Variants in LSM6 observed in about 807,000 individuals in gnomAD.
LSM6 encodes the protein LSM6 homolog, U6 small nuclear RNA and mRNA degradation associated.
In LSM6, 2 loss-of-function variants were observed where a neutral mutation model predicts 13.5. The ratio of observed to expected loss-of-function variants is 0.15; its 90% CI spans 0.06 to 0.47. The LOEUF (loss-of-function observed/expected upper bound fraction) is 0.47, where lower values mean the gene tolerates loss of function less well. Ranked by LOEUF, LSM6 falls within the 20% of genes least tolerant of loss-of-function variation. LSM6 has a pLI of 0.97. For synonymous variants in LSM6, 43 were observed against 34.9 expected, an observed-to-expected ratio of 1.23 and a Z score of -0.82; for missense variants, 58 against 96.4, an observed-to-expected ratio of 0.60 and a Z score of 1.67.
intron 1 of LSM6, among the ~76,000 whole-genome samples, chr4:146,180,401 C>T (rs963397355): frequency 2.6e-5 from 4 of 152,126 alleles, no homozygotes; most frequent in Admixed American, 6.6e-5. Flanking sequence ...AATTGGAATA[C>T]AGATAAAGCA....
At chr4:146,180,521 G>A (rs904618009) in intron 1 of LSM6, among the ~76,000 whole-genome samples, 1 of 152,184 alleles carries the variant, frequency 6.6e-6, no homozygotes, top group African/African-American at 2.4e-5. Context: ...ATACTGTCAA[G>A]CAACTGATAG....
intron 1 of LSM6, among the ~76,000 whole-genome samples, chr4:146,179,739 CA>C (rs2110879936): frequency 6.6e-6 from 1 of 152,256 alleles, no homozygotes; most frequent in African/African-American, 2.4e-5. Flanking sequence ...TATGTGATGC[CA>C]AAAGTAGGTG....
intron 1 of LSM6, among the ~76,000 whole-genome samples, chr4:146,182,478 T>C (rs924859074): frequency 1.3e-5 from 2 of 152,240 alleles, no homozygotes; most frequent in South Asian, 2.1e-4. Flanking sequence ...CTTCTTCCCA[T>C]GGTTCTTGTA....
chr4:146,186,870 G>C (rs1380515544), intron 2 of LSM6, among the ~76,000 whole-genome samples: 1 of 152,178 alleles, frequency 6.6e-6, no homozygotes. Flanking sequence ...TTCACTTAGT[G>C]GCTAAAGTAG....
intron 1 of LSM6, among the ~76,000 whole-genome samples, chr4:146,179,995 C>G (rs965631292): frequency 6.6e-6 from 1 of 152,262 alleles, no homozygotes; most frequent in Non-Finnish European, 1.5e-5. Context: ...GAATGTGGCA[C>G]AGCTCCCTGC....
At chr4:146,181,393 C>T (rs1056444918) in intron 1 of LSM6, 1 of 152,096 alleles carries the variant, frequency 6.6e-6, no homozygotes, top group Non-Finnish European at 1.5e-5. Flanking sequence ...TAAGGCAGAG[C>T]CTTTGTGTAT....
intron 3 of LSM6, among the ~76,000 whole-genome samples, chr4:146,188,380 G>A (rs952274789): frequency 2.0e-5 from 3 of 151,604 alleles, no homozygotes; most frequent in East Asian, 1.9e-4. Context: ...ATCCTTTAAC[G>A]TGCACACTAC....
chr4:146,181,558 A>G (rs941551184), intron 1 of LSM6, among the ~76,000 whole-genome samples: 3 of 152,242 alleles, frequency 2.0e-5, no homozygotes, highest in Non-Finnish European at 4.4e-5. Context: ...AACTCAGATT[A>G]TTGAGTGGAT....
chr4:146,186,118 T>C (rs1730343739), intron 2 of LSM6, among the ~76,000 whole-genome samples: 2 of 152,374 alleles, frequency 1.3e-5, no homozygotes, highest in Admixed American at 1.3e-4. Context: ...TGCTCATTTA[T>C]AATTGCAGTT....
At chr4:146,178,224 C>T (rs183266944) in intron 1 of LSM6, among the ~76,000 whole-genome samples, 15 of 152,234 alleles carry the variant, frequency 9.9e-5, no homozygotes, top group Admixed American at 9.8e-4. Context: ...CCAGGGACAC[C>T]AAGTGAGTAA....
rs1384211082 is a variant in LSM6 at position 146,191,230 on chromosome 4, G to A, written c.*1574G>A. ...ATGGCTCTCCAAGTGGAGCATACATGTTCTCATTTGTTTTGTAGAATATGT... is the reference window on the plus strand; with the variant it reads ...ATGGCTCTCCAAGTGGAGCATACATATTCTCATTTGTTTTGTAGAATATGT... On this transcript the variant is annotated 3_prime_UTR_variant, in exon 4 of 4. Coordinates refer to ENST00000296581, the MANE Select transcript of LSM6 (RefSeq NM_007080.3). The A allele has an allele frequency of 1.3e-5, 2 of 152,156 alleles. No homozygotes were observed. Among genetic ancestry groups the A allele is most frequent in the Non-Finnish European group, 2.9e-5 (2 of 68,028 alleles). 9.4% of individuals were successfully genotyped at this position (152,156 alleles called of 1,614,324 possible).
chr4:146,188,621 TG>T (rs1338978349), intron 3 of LSM6, among the ~76,000 whole-genome samples: 1 of 152,150 alleles, frequency 6.6e-6, no homozygotes. Context: ...CGAGTAGGCA[TG>T]GAAGGTGGAA....
chr4:146,186,819 A>G (rs998533196), intron 2 of LSM6, among the ~76,000 whole-genome samples: 1 of 152,176 alleles, frequency 6.6e-6, no homozygotes, highest in Non-Finnish European at 1.5e-5. Flanking sequence ...CTGCTGCAAT[A>G]GATGTTGTAA....
chr4:146,190,725 T>C lies in LSM6; in HGVS notation c.*1069T>C, dbSNP rs1383313668. On this transcript the variant is annotated 3_prime_UTR_variant, in exon 4 of 4. Transcript: ENST00000296581. ...CCCTGCTTTATTCTCCAAACAGTTT[T>C]ACGCTGTCTCTAGGAACAACAAATA... 3.3e-5 allele frequency: 5 copies of C among 152,282 alleles called. No individual in the cohort carries two copies. The highest frequency in any genetic ancestry group is 5.9e-5 in the Non-Finnish European group (4 of 68,060). 9.4% of individuals were successfully genotyped at this position (152,282 alleles called of 1,614,324 possible). A position where few individuals can be genotyped will look rare whatever the true frequency, so the allele number is the denominator to read the frequency against.
chr4:146,177,681 G>C (rs11721367), intron 1 of LSM6, among the ~76,000 whole-genome samples: 46,309 of 151,830 alleles, frequency 0.31, 7,372 homozygotes, highest in Middle Eastern at 0.38. Flanking sequence ...AGCAGAGATT[G>C]TCAACTTCCA....
At chr4:146,189,585 T>G (rs1192454443) in intron 3 of LSM6, 37 bp from the exon 4 acceptor site, 1 of 1,446,260 alleles carries the variant, frequency 6.9e-7, no homozygotes, top group Non-Finnish European at 9.6e-7. Context: ...CAAGCAGGGT[T>G]TTTTAAATTT....
intron 1 of LSM6, among the ~76,000 whole-genome samples, chr4:146,180,093 C>G (rs1730200564): frequency 6.6e-6 from 1 of 152,210 alleles, no homozygotes; most frequent in Non-Finnish European, 1.5e-5. Flanking sequence ...CTTCTTTCAG[C>G]TAGGGGGTGA....
At chr4:146,182,716 T>G (rs1250948266) in intron 1 of LSM6, among the ~76,000 whole-genome samples, 196 bp from the exon 2 acceptor site, 2 of 152,240 alleles carry the variant, frequency 1.3e-5, no homozygotes, top group Non-Finnish European at 2.9e-5. Context: ...TGTAGAATGT[T>G]TAGCTTAGTA....
At chr4:146,189,553 A>C in intron 3 of LSM6, 69 bp from the exon 4 acceptor site, 3 of 980,374 alleles carry the variant, frequency 3.1e-6, no homozygotes, top group Non-Finnish European at 4.7e-6. Context: ...TTGGCTTTTA[A>C]ACTTGCTACT....
Sources: gnomAD v4.1 joint callset for allele counts (sites outside exome capture counted in the v4.1 genomes callset) on GRCh38, gnomAD v4.1.1 for gene constraint, MANE v1.5 for transcripts, NCBI Gene and HGNC (gene_info 2026-07-23, HGNC 2026-07-21) for gene names.